Variants in LYST observed in about 807,000 individuals in gnomAD.
LYST encodes the protein lysosomal trafficking regulator, also known as lysosomal-trafficking regulator.
LYST carries 192 observed loss-of-function variants against 413.6 expected under a neutral mutation model. That is an observed-to-expected ratio of 0.46 (90% CI 0.41 to 0.52). The LOEUF (loss-of-function observed/expected upper bound fraction) is 0.52, where lower values mean the gene tolerates loss of function less well. Ranked by LOEUF, LYST falls within the 20% of genes least tolerant of loss-of-function variation. The pLI is 0.00. For synonymous variants in LYST, 1,525 were observed against 1,567.3 expected (o/e 0.97, Z 0.64); for missense variants, 3,815 against 4,499.9 (o/e 0.85, Z 4.35).
At chr1:235,845,960 C>T (rs1424201683) in intron 1 of LYST, among the ~76,000 whole-genome samples, 1 of 152,060 alleles carries the variant, frequency 6.6e-6, no homozygotes, top group African/African-American at 2.4e-5. Flanking sequence ...GCCCTGCCCA[C>T]CGCATATCTT....
chr1:235,771,503 T>C (rs1230890776), intron 19 of LYST, among the ~76,000 whole-genome samples: 1 of 152,190 alleles, frequency 6.6e-6, no homozygotes, highest in African/African-American at 2.4e-5. Context: ...TTATTATACA[T>C]TTATACTGCT....
chr1:235,705,176 C>A (rs1661880834), intron 44 of LYST, among the ~76,000 whole-genome samples: 1 of 152,180 alleles, frequency 6.6e-6, no homozygotes, highest in African/African-American at 2.4e-5. Context: ...GTGGCAGAGT[C>A]ACAGAGTGAG....
chr1:235,825,515 G>A (rs1320523613), intron 3 of LYST, among the ~76,000 whole-genome samples: 5 of 152,046 alleles, frequency 3.3e-5, no homozygotes, highest in Non-Finnish European at 5.9e-5. Context: ...ATCAACATAC[G>A]AAAAGCAATT....
chr1:235,826,150 G>GGATA (rs1289644921), intron 3 of LYST, among the ~76,000 whole-genome samples: 1 of 152,130 alleles, frequency 6.6e-6, no homozygotes. Flanking sequence ...ATATTAGAGA[G>GGATA]GATATAGAAC....
chr1:235,670,003 T>A (rs1168966613), intron 50 of LYST, among the ~76,000 whole-genome samples: 1 of 152,172 alleles, frequency 6.6e-6, no homozygotes, highest in Non-Finnish European at 1.5e-5. Flanking sequence ...AACACAACTA[T>A]GTCAGAAATA....
At chr1:235,855,651 T>C (rs1221987368) in intron 1 of LYST, among the ~76,000 whole-genome samples, 2 of 152,176 alleles carry the variant, frequency 1.3e-5, no homozygotes, top group African/African-American at 4.8e-5. Flanking sequence ...AAATAATTTA[T>C]GTAGCTGTAC....
chr1:235,677,395 G>T (rs1659466240), intron 49 of LYST, 85 bp downstream of exon 49: 2 of 1,369,866 alleles, frequency 1.5e-6, no homozygotes, highest in Non-Finnish European at 1.0e-6. Flanking sequence ...ATAACGTAAA[G>T]ACATTATTTT....
chr1:235,710,776 GAA>G (rs1298857364), intron 43 of LYST, among the ~76,000 whole-genome samples: 4 of 152,196 alleles, frequency 2.6e-5, no homozygotes, highest in Admixed American at 2.6e-4. Context: ...GAACAGGCTG[GAA>G]AAGGCCATGC....
intron 48 of LYST, among the ~76,000 whole-genome samples, chr1:235,685,331 G>A (rs1012410888): frequency 1.3e-5 from 2 of 151,998 alleles, no homozygotes; most frequent in Admixed American, 1.3e-4. Flanking sequence ...TGGCCTTCTC[G>A]TTGGTGTCCT....
rs139357489 is a variant in LYST, at chr1:235,772,204, G to A, written c.5784+1638C>T. 5.5e-3 allele frequency among the ~76,000 whole-genome samples: 831 copies of A among 152,158 alleles called. 3 individuals are homozygous for A. Among genetic ancestry groups the A allele is most frequent in the Non-Finnish European group, 8.9e-3 (603 of 68,002 alleles). On this transcript the variant is annotated intron_variant, in intron 19 of 52. Transcript: ENST00000389793. ...GGTGCCACTGCATTTTAGCCTGGGT[G>A]ACAGAGTGTGCTCCTGTTTCAAAAA...
chr1:235,757,477 A>G lies in LYST; in HGVS notation c.6882-19T>C, dbSNP rs372886987. The G allele has an allele frequency of 1.0e-5, 16 of 1,601,142 alleles. No individual in the cohort carries two copies. The African/African-American group carries it at 1.6e-4, about 16-fold the overall frequency. On this transcript the variant is annotated intron_variant, in intron 23 of 52. Transcript: ENST00000389793. ...AGTTACACTAAAACAGAGACCAAAA[A>G]AGTCTTACTAACATGACAAGAAAAG... is the stretch of plus-strand genomic sequence containing the variant.
At chr1:235,683,934 A>G (rs989250166) in intron 48 of LYST, among the ~76,000 whole-genome samples, 3 of 152,246 alleles carry the variant, frequency 2.0e-5, no homozygotes, top group Non-Finnish European at 4.4e-5. Context: ...ACAAACTGAT[A>G]AAACTACACT....
chr1:235,687,006 A>G lies in LYST; in HGVS notation c.10743T>C (p.Phe3581=), dbSNP rs1660269545. The G allele has an allele frequency of 2.5e-6, 4 of 1,614,012 alleles. No homozygotes were observed. In the South Asian group the frequency reaches 3.3e-5, roughly 13 times the overall value. Residue 3581 remains phenylalanine, a synonymous_variant, in exon 48 of 53, where the codon TTT becomes TTC. Coordinates refer to ENST00000389793, the MANE Select transcript of LYST (RefSeq NM_000081.4). ...TGATGACACCGCATTTGCTTCCAGT[A>G]AACAGCTGGCAACTGTCAGGCACCC... ...CAWVPDSCQL[F]TGSKCGVITA... is the part of the protein sequence containing the mutation.
At chr1:235,761,103 AT>A (rs1031494753) in intron 22 of LYST, among the ~76,000 whole-genome samples, 57 of 152,016 alleles carry the variant, frequency 3.7e-4, no homozygotes, top group African/African-American at 1.3e-3. Flanking sequence ...TTTAAAAAAA[AT>A]TTTTTTTAAA....
rs374099882 is a variant in LYST at position 235,755,586 on chromosome 1, C to T, written c.7121G>A (p.Arg2374His). 37 of 1,612,964 alleles carry T rather than the reference C, an allele frequency of 2.3e-5. 1 individual carries two copies. Among genetic ancestry groups the T allele is most frequent in the South Asian group, 1.1e-4 (10 of 91,054 alleles). Residue 2374 changes from arginine to histidine, a missense_variant, in exon 25 of 53, where the codon CGT becomes CAT. Coordinates refer to ENST00000389793, the MANE Select transcript of LYST (RefSeq NM_000081.4). ...KEQKDKFLKN[R>H]GFSLLANQLY... is the part of the protein sequence containing the mutation. ...CTGGTTGGCTAGCAAGGAAAATCCA[C>T]GATTCTTCAGAAATTTATCTTTTTG...
chr1:235,738,842 G>A, intron 31 of LYST: 2 of 775,852 alleles, frequency 2.6e-6, no homozygotes, highest in Non-Finnish European at 4.8e-6. Context: ...GTGGAATAAA[G>A]GATGATGTCT....
intron 46 of LYST, among the ~76,000 whole-genome samples, chr1:235,694,315 C>T (rs1368827510): frequency 6.6e-6 from 1 of 151,976 alleles, no homozygotes; most frequent in Non-Finnish European, 1.5e-5. Flanking sequence ...GTGCCCAGCC[C>T]TCTCTCTTTT....
chr1:235,746,522 G>C lies in LYST; in HGVS notation c.7786C>G (p.Arg2596Gly). 1 of 1,611,270 alleles carries C rather than the reference G, an allele frequency of 6.2e-7. No homozygotes were observed. The highest frequency in any genetic ancestry group is 8.5e-7 in the Non-Finnish European group (1 of 1,177,898). Residue 2596 changes from arginine to glycine, a missense_variant, in exon 29 of 53, where the codon CGA becomes GGA. Around this residue, in one of 4 missense-constraint regions of LYST, gnomAD observed 771 missense variants for 837.1 expected, o/e 0.92. Transcript: ENST00000389793. ...VQKRKSIAGP[R>G]KFPLAQTESL... ...TCAGTTTGAGCAAGGGGAAATTTTCGAGGACCTTTAAAAGTATATAAATTA... is the reference window on the plus strand; with the variant it reads ...TCAGTTTGAGCAAGGGGAAATTTTCCAGGACCTTTAAAAGTATATAAATTA...
Position 235,687,066 on chromosome 1 carries a change from C to T in LYST, c.10702-19G>A, listed in dbSNP as rs764356778. On this transcript the variant is annotated intron_variant, in intron 47 of 52. Transcript: ENST00000389793. Reference sequence around the variant, plus strand: ...TAGTCACCTTTGAAAAAGGACCAATCAAAGATTATCATGTTTTAAAAGAAT... The same window carrying T: ...TAGTCACCTTTGAAAAAGGACCAATTAAAGATTATCATGTTTTAAAAGAAT... The T allele has an allele frequency of 6.8e-6, 10 of 1,468,288 alleles. No individual in the cohort carries two copies. The Admixed American group carries it at 8.4e-5, about 12-fold the overall frequency. The allele number at this position is 1,468,288 out of a possible 1,614,324, so 91.0% of individuals were successfully genotyped here. A position where few individuals can be genotyped will look rare whatever the true frequency, so the allele number is the denominator to read the frequency against.
Sources: gnomAD v4.1 joint callset for allele counts (sites outside exome capture counted in the v4.1 genomes callset) on GRCh38, gnomAD v4.1.1 for gene constraint, gnomAD v4.1.1 regional missense constraint, MANE v1.5 for transcripts, NCBI Gene and HGNC (gene_info 2026-07-23, HGNC 2026-07-21) for gene names.